SOX6: variants seen among roughly 807,000 people sequenced by gnomAD.
SOX6 encodes transcription factor SOX-6.
A neutral mutation model predicts 97.8 loss-of-function variants in SOX6; 11 were observed. That is an observed-to-expected ratio of 0.11 (90% CI 0.07 to 0.19). SOX6 has a LOEUF of 0.19. Ranked by LOEUF, SOX6 falls within the 10% of genes least tolerant of loss-of-function variation. SOX6 has a pLI of 1.00. For missense variants in SOX6, 810 were observed against 1,039.5 expected (o/e 0.78, Z 3.04); for synonymous variants, 360 against 371.4 (o/e 0.97, Z 0.35).
At chr11:16,600,075 T>C (rs1848251367) in intron 4 of SOX6, among the ~76,000 whole-genome samples, 1 of 152,216 alleles carries the variant, frequency 6.6e-6, no homozygotes, top group Non-Finnish European at 1.5e-5. Context: ...TGTACAAAAT[T>C]ATAAGTGTAT....
intron 1 of SOX6, among the ~76,000 whole-genome samples, chr11:16,367,080 T>C (rs1169957672): frequency 6.6e-6 from 1 of 152,162 alleles, no homozygotes; most frequent in Non-Finnish European, 1.5e-5. Context: ...GTGTAATGGG[T>C]AGAGATAGAA....
chr11:16,643,228 G>A (rs879871206), intron 3 of SOX6, among the ~76,000 whole-genome samples: 13 of 152,192 alleles, frequency 8.5e-5, no homozygotes, highest in South Asian at 4.1e-4. Context: ...GCAGAACAGC[G>A]AAGATTGGTG....
At chr11:16,581,914 T>A (rs1394303736) in intron 4 of SOX6, among the ~76,000 whole-genome samples, 3 of 144,458 alleles carry the variant, frequency 2.1e-5, no homozygotes, top group Non-Finnish European at 4.5e-5. Flanking sequence ...TGAGCCAAGA[T>A]CATGCCACTG....
At chr11:16,287,559 C>T (rs1008313980) in intron 3 of SOX6, among the ~76,000 whole-genome samples, 1 of 151,976 alleles carries the variant, frequency 6.6e-6, no homozygotes, top group African/African-American at 2.4e-5. Context: ...GTATTAAGTG[C>T]CCTAAAGTTT....
chr11:16,716,952 T>C (rs1015260488), intron 2 of SOX6, among the ~76,000 whole-genome samples: 1 of 152,158 alleles, frequency 6.6e-6, no homozygotes, highest in African/African-American at 2.4e-5. Flanking sequence ...AATGTTTTAT[T>C]TCTTGACCCA....
rs999512586 is a variant in SOX6 at position 16,484,201 on chromosome 11, A to C, written n.610-7813T>G. 1.2e-5 allele frequency: 10 copies of C among 806,896 alleles called. No homozygotes were observed. In the African/African-American group the frequency reaches 1.5e-4, roughly 12 times the overall value. 50.0% of individuals were successfully genotyped at this position (806,896 alleles called of 1,614,324 possible). A position where few individuals can be genotyped will look rare whatever the true frequency, so the allele number is the denominator to read the frequency against. ...GGAAATGGTTGAAGTTGGAGATGCC[A>C]ATAGCTTTCACCAGCCCTTCATCCA... On this transcript the variant is annotated intron_variant and non_coding_transcript_variant, in intron 4 of 5. Coordinates refer to the SOX6 transcript ENST00000524520.
At chr11:16,314,413 C>T (rs568323881) in intron 3 of SOX6, 23 of 152,108 alleles carry the variant, frequency 1.5e-4, no homozygotes, top group South Asian at 6.2e-4. Flanking sequence ...TAGTAAATTC[C>T]CATAATATTT....
chr11:16,217,435 C>T (rs1356363846), intron 4 of SOX6, among the ~76,000 whole-genome samples: 1 of 151,882 alleles, frequency 6.6e-6, no homozygotes, highest in Non-Finnish European at 1.5e-5. Context: ...TAAAAACCTA[C>T]CTATTTATAA....
At chr11:16,439,956 A>G (rs1565146599) in intron 1 of SOX6, among the ~76,000 whole-genome samples, 1 of 152,128 alleles carries the variant, frequency 6.6e-6, no homozygotes, top group Admixed American at 6.5e-5. Context: ...ACTTTCATAC[A>G]TTTAAACTAT....
chr11:16,694,290 G>A (rs1425961938), intron 3 of SOX6, among the ~76,000 whole-genome samples: 1 of 152,208 alleles, frequency 6.6e-6, no homozygotes, highest in East Asian at 1.9e-4. Context: ...CAGTTTGGGA[G>A]GCCATGACAG....
chr11:16,414,506 A>G (rs1347007707), intron 1 of SOX6, among the ~76,000 whole-genome samples: 1 of 152,196 alleles, frequency 6.6e-6, no homozygotes, highest in Non-Finnish European at 1.5e-5. Flanking sequence ...CCTACTGAAT[A>G]ATGGGCATTA....
chr11:16,557,535 C>T (rs1391681085), intron 4 of SOX6, among the ~76,000 whole-genome samples: 1 of 151,780 alleles, frequency 6.6e-6, no homozygotes, highest in African/African-American at 2.4e-5. Flanking sequence ...TGCTGGTAAT[C>T]TCCAATGAGA....
Position 15,979,042 on chromosome 11 carries a change from C to CATATATATATATATATATATAT in SOX6, c.2184-5952_2184-5931dup, listed in dbSNP as rs57062569. Among the ~76,000 whole-genome samples, 347 of 106,998 alleles carry CATATATATATATATATATATAT rather than the reference C, an allele frequency of 3.2e-3. 2 individuals are homozygous for CATATATATATATATATATATAT. Among genetic ancestry groups the CATATATATATATATATATATAT allele is most frequent in the African/African-American group, 8.4e-3 (230 of 27,382 alleles). The allele number at this position is 106,998 out of a possible 152,430, so 70.2% of individuals were successfully genotyped here. A position where few individuals can be genotyped will look rare whatever the true frequency, so the allele number is the denominator to read the frequency against. On this transcript the variant is annotated intron_variant, in intron 15 of 15. Transcript: ENST00000683767. The stretch of plus-strand genomic sequence containing the variant: ...AACTGCTTATTTTATATATATTTTA[C>CATATATATATATATATATATAT]ATATATATATATATATATATATAAA...
intron 6 of SOX6, among the ~76,000 whole-genome samples, chr11:16,115,249 C>T (rs1849318049): frequency 6.6e-6 from 1 of 152,110 alleles, no homozygotes. Flanking sequence ...TGGTACCAGA[C>T]CAGCAGCATC....
At chr11:16,017,751 C>T (rs1854931628) in intron 12 of SOX6, among the ~76,000 whole-genome samples, 1 of 152,094 alleles carries the variant, frequency 6.6e-6, no homozygotes, top group African/African-American at 2.4e-5. Flanking sequence ...CATCCATGAG[C>T]ATGCCCCTAT....
At chr11:16,255,081 T>C (rs1328790525) in intron 3 of SOX6, among the ~76,000 whole-genome samples, 2 of 152,034 alleles carry the variant, frequency 1.3e-5, no homozygotes, top group Non-Finnish European at 2.9e-5. Context: ...CAATCCTTAC[T>C]ATATATACAC....
In SOX6 at chr11:16,171,832, G is replaced by A. The variant is rs118071056; in HGVS notation, c.777+12054C>T. Among the ~76,000 whole-genome samples, 7 of 151,886 alleles carry A rather than the reference G, an allele frequency of 4.6e-5. No individual in the cohort carries two copies. In the East Asian group the frequency reaches 7.8e-4, roughly 17 times the overall value. ...CAAAATGGGAGGAAATCAGAAAACC[G>A]TATTAAGCTCTACCACACATCAGAA... On this transcript the variant is annotated intron_variant, in intron 6 of 15. Coordinates refer to ENST00000683767, the MANE Select transcript of SOX6 (RefSeq NM_001367873.1).
At chr11:16,472,419 G>C (rs898674313) in intron 1 of SOX6, among the ~76,000 whole-genome samples, 1 of 152,102 alleles carries the variant, frequency 6.6e-6, no homozygotes, top group Admixed American at 6.5e-5. Flanking sequence ...TTTTCACAAA[G>C]AGCCCTTCAA....
At chr11:16,143,284 T>C (rs1477433346) in intron 6 of SOX6, among the ~76,000 whole-genome samples, 1 of 152,116 alleles carries the variant, frequency 6.6e-6, no homozygotes, top group Non-Finnish European at 1.5e-5. Context: ...TAAAATCCTT[T>C]ACAGAGAAGC....
Sources: allele counts gnomAD v4.1 joint callset (sites outside exome capture counted in the v4.1 genomes callset), GRCh38; gene constraint gnomAD v4.1.1; transcripts MANE v1.5; gene names NCBI Gene and HGNC (gene_info 2026-07-23, HGNC 2026-07-21).